DYNC1I1: variants seen among roughly 807,000 people sequenced by gnomAD.
The protein encoded by DYNC1I1 is dynein cytoplasmic 1 intermediate chain 1.
In DYNC1I1, 43 loss-of-function variants were observed where a neutral mutation model predicts 86.6. The ratio of observed to expected loss-of-function variants is 0.50; its 90% CI spans 0.39 to 0.64. The LOEUF (loss-of-function observed/expected upper bound fraction) is 0.64, where lower values mean the gene tolerates loss of function less well. Among genes scored for constraint, DYNC1I1 ranks in the 30% least tolerant of loss-of-function variants. DYNC1I1 has a pLI of 0.00. For missense variants in DYNC1I1, 604 were observed against 788.8 expected (o/e 0.77, Z 2.81); for synonymous variants, 262 against 283.7 (o/e 0.92, Z 0.77).
intron 10 of DYNC1I1, among the ~76,000 whole-genome samples, chr7:96,008,217 G>A (rs547077856): frequency 6.6e-6 from 1 of 152,090 alleles, no homozygotes; most frequent in Non-Finnish European, 1.5e-5. Flanking sequence ...TGCCTGTTCT[G>A]AATTAATCCT....
chr7:95,893,353 C>T (rs567425278), intron 6 of DYNC1I1, among the ~76,000 whole-genome samples: 1 of 152,190 alleles, frequency 6.6e-6, no homozygotes, highest in Non-Finnish European at 1.5e-5. Flanking sequence ...CCCTGGGTTT[C>T]CATAATCAGA....
intron 14 of DYNC1I1, among the ~76,000 whole-genome samples, chr7:96,045,437 A>T (rs1034074972): frequency 6.6e-6 from 1 of 152,136 alleles, no homozygotes; most frequent in African/African-American, 2.4e-5. Flanking sequence ...TGGAAAAGGA[A>T]ACAGCGATCA....
At chr7:95,928,435 C>A (rs1343289215) in intron 6 of DYNC1I1, among the ~76,000 whole-genome samples, 3 of 152,188 alleles carry the variant, frequency 2.0e-5, no homozygotes, top group African/African-American at 7.2e-5. Context: ...AGGAAATCAG[C>A]CCCCTGTTAG....
chr7:95,804,868 GA>G, intron 2 of DYNC1I1, 31 bp downstream of exon 2: 3 of 1,531,902 alleles, frequency 2.0e-6, no homozygotes, highest in Non-Finnish European at 8.8e-7. Flanking sequence ...TGTTGTGGGG[GA>G]AAAAGGAAAA....
chr7:95,890,361 A>T (rs1254198813), intron 6 of DYNC1I1, among the ~76,000 whole-genome samples: 1 of 152,174 alleles, frequency 6.6e-6, no homozygotes, highest in African/African-American at 2.4e-5. Flanking sequence ...TCTCACTTTA[A>T]GTGGGACTTA....
At chr7:95,861,772 A>C (rs77073001) in intron 5 of DYNC1I1, among the ~76,000 whole-genome samples, 10,179 of 152,254 alleles carry the variant, frequency 0.067, 451 homozygotes, top group Non-Finnish European at 0.096. Context: ...TAGTGGTGGA[A>C]GTCATGCGAA....
intron 5 of DYNC1I1, among the ~76,000 whole-genome samples, chr7:95,869,214 G>C (rs13238456): frequency 0.2 from 30,811 of 152,058 alleles, 3,972 homozygotes; most frequent in East Asian, 0.46. Flanking sequence ...GAAAACCCTT[G>C]AAGTGCTACA....
chr7:95,956,937 A>G (rs1792732756), intron 6 of DYNC1I1, among the ~76,000 whole-genome samples: 1 of 152,230 alleles, frequency 6.6e-6, no homozygotes, highest in Admixed American at 6.5e-5. Context: ...AGTTCATTTA[A>G]CACGATACCA....
chr7:95,887,507 G>A (rs1425222499), intron 6 of DYNC1I1, among the ~76,000 whole-genome samples: 11 of 151,930 alleles, frequency 7.2e-5, no homozygotes. Context: ...GTTGAACATA[G>A]TATCTCTTTC....
chr7:96,001,055 C>T (rs563144598), intron 10 of DYNC1I1, among the ~76,000 whole-genome samples: 1 of 152,316 alleles, frequency 6.6e-6, no homozygotes, highest in South Asian at 2.1e-4. Flanking sequence ...CTCTTACTAG[C>T]ATTTGCTGCA....
At chr7:95,910,823 C>G (rs1791314146) in intron 6 of DYNC1I1, among the ~76,000 whole-genome samples, 1 of 152,160 alleles carries the variant, frequency 6.6e-6, no homozygotes, top group African/African-American at 2.4e-5. Context: ...AAAATGAAAT[C>G]AGATCATACA....
In DYNC1I1 at chr7:95,789,822, A is replaced by G. The variant is rs74298961; in HGVS notation, c.-9-14899A>G. Reference sequence around the variant, plus strand: ...TTCAGTTTAAGAATTGATGTAGCTCAATATATTTCAAAAGTTTAACTGCAA... The same window carrying G: ...TTCAGTTTAAGAATTGATGTAGCTCGATATATTTCAAAAGTTTAACTGCAA... On this transcript the variant is annotated intron_variant, in intron 1 of 16. Coordinates refer to ENST00000447467, the MANE Select transcript of DYNC1I1 (RefSeq NM_001135556.2). Among the ~76,000 whole-genome samples, 6 of 152,386 alleles carry G rather than the reference A, an allele frequency of 3.9e-5. No individual in the cohort carries two copies. In the East Asian group the frequency reaches 9.6e-4, roughly 24 times the overall value.
chr7:95,909,940 A>C (rs1271864944), intron 6 of DYNC1I1, among the ~76,000 whole-genome samples: 3 of 152,012 alleles, frequency 2.0e-5, no homozygotes, highest in Non-Finnish European at 4.4e-5. Context: ...TCAGATGGTC[A>C]TTTTGGGGTT....
chr7:95,925,284 T>A (rs1791714702), intron 6 of DYNC1I1, among the ~76,000 whole-genome samples: 1 of 152,126 alleles, frequency 6.6e-6, no homozygotes, highest in African/African-American at 2.4e-5. Flanking sequence ...TCACCCCCTT[T>A]CCACCTCCCT....
chr7:95,856,320 T>C (rs866984460), intron 5 of DYNC1I1, among the ~76,000 whole-genome samples: 1 of 152,210 alleles, frequency 6.6e-6, no homozygotes, highest in East Asian at 1.9e-4. Flanking sequence ...TAATATTCTA[T>C]GATAATAATG....
intron 10 of DYNC1I1, among the ~76,000 whole-genome samples, chr7:96,021,139 G>A (rs182272465): frequency 2.6e-4 from 40 of 152,250 alleles, no homozygotes; most frequent in Admixed American, 2.0e-3. Flanking sequence ...TCACTGAACC[G>A]TACACTTGAA....
chr7:95,774,210 G>T (rs1793782282), intron 1 of DYNC1I1, among the ~76,000 whole-genome samples: 1 of 152,152 alleles, frequency 6.6e-6, no homozygotes, highest in African/African-American at 2.4e-5. Flanking sequence ...GAATACAGTT[G>T]GGGGTCGAAT....
intron 6 of DYNC1I1, among the ~76,000 whole-genome samples, chr7:95,949,817 C>A (rs1416544715): frequency 6.6e-6 from 1 of 152,142 alleles, no homozygotes; most frequent in African/African-American, 2.4e-5. Flanking sequence ...AAAGCAACAT[C>A]CATCATAACC....
At chr7:96,051,473 G>A (rs982026567) in intron 14 of DYNC1I1, among the ~76,000 whole-genome samples, 4 of 152,144 alleles carry the variant, frequency 2.6e-5, no homozygotes, top group Admixed American at 6.5e-5. Flanking sequence ...CTGGGGTGCT[G>A]TCATCCAAGA....
Sources: allele counts gnomAD v4.1 joint callset (sites outside exome capture counted in the v4.1 genomes callset), GRCh38; gene constraint gnomAD v4.1.1; transcripts MANE v1.5; gene names NCBI Gene and HGNC (gene_info 2026-07-23, HGNC 2026-07-21).